ITGA5: variants seen among roughly 807,000 people sequenced by gnomAD.
ITGA5 encodes the protein integrin subunit alpha 5.
Under a neutral mutation model 146.3 loss-of-function variants are expected in ITGA5, and 55 were observed. That is an observed-to-expected ratio of 0.38 (90% CI 0.30 to 0.47). The LOEUF (loss-of-function observed/expected upper bound fraction) is 0.47, where lower values mean the gene tolerates loss of function less well. ITGA5 is among the 20% of genes least tolerant of loss of function. ITGA5 has a pLI of 0.99. For missense variants in ITGA5, 1,131 were observed against 1,329.0 expected (o/e 0.85, Z 2.32); for synonymous variants, 500 against 531.8 (o/e 0.94, Z 0.82).
At chr12:54,404,379 C>A (rs185312486) in intron 14 of ITGA5, 51 bp downstream of exon 14, 291 of 1,600,426 alleles carry the variant, frequency 1.8e-4, no homozygotes, top group Non-Finnish European at 2.3e-4. Flanking sequence ...TGAGAAATTT[C>A]CAGTTCCAGT....
Position 54,404,454 on chromosome 12 carries a change from C to T in ITGA5, c.1439G>A (p.Gly480Asp). The T allele has an allele frequency of 6.2e-7, 1 of 1,614,190 alleles. No individual in the cohort carries two copies. Residue 480 changes from glycine to aspartate, a missense_variant, in exon 14 of 30, where the codon GGT becomes GAT. Coordinates refer to ENST00000293379, the MANE Select transcript of ITGA5 (RefSeq NM_002205.5). ...GYPDLIVGSF[G>D]VDKAVVYRGR... ...CCTGTATACCACAGCCTTGTCCACA[C>T]CAAAGGACCCCACAATCAGATCTGT...
chr12:54,402,386 A>G, intron 19 of ITGA5, 56 bp from the exon 20 acceptor site: 1 of 1,515,418 alleles, frequency 6.6e-7, no homozygotes, highest in Non-Finnish European at 9.0e-7. Flanking sequence ...AAACCAGGAC[A>G]AAGGACCATT....
Position 54,403,229 on chromosome 12 carries a change from C to G in ITGA5, c.1872G>C (p.Arg624Ser). 6.4e-7 allele frequency: 1 copy of G among 1,569,408 alleles called. No homozygotes were observed. The highest frequency in any genetic ancestry group is 1.2e-5 in the South Asian group (1 of 84,282). ...PQAPVDSHGLRPALHYQSKSR... is the reference protein window; with the variant it reads ...PQAPVDSHGLSPALHYQSKSR... ...TCTTGCTCTGATAATGTAGGGCTGG[C>G]CTGAGGCCGTGGCTGTCCACTGGGG... Residue 624 changes from arginine to serine, a missense_variant, in exon 18 of 30, where the codon AGG (arginine) becomes AGC (serine). Arg to Ser is a moderately radical substitution (Grantham distance 110, BLOSUM62 -1). Around this residue, in one of 3 missense-constraint regions of ITGA5, gnomAD observed 889 missense variants for 1,021.5 expected, o/e 0.87. Transcript: ENST00000293379. This position sits in a 1 kb window ranked among gnomAD's most constrained non-coding sequence, Gnocchi z 4.9.
intron 6 of ITGA5, 67 bp from the exon 7 acceptor site, chr12:54,408,302 C>A: frequency 1.3e-6 from 2 of 1,556,420 alleles, no homozygotes; most frequent in Non-Finnish European, 1.8e-6. Flanking sequence ...ACTCTGGGGG[C>A]TGACTGGGTA....
chr12:54,404,711 C>T lies in ITGA5; in HGVS notation c.1409G>A (p.Gly470Glu). Residue 470 changes from glycine (G) to glutamate (E), a missense_variant, in exon 13 of 30, where the codon GGA (glycine) becomes GAA (glutamate). Gly to Glu is a moderately conservative substitution (Grantham distance 98). Around this residue, in one of 3 missense-constraint regions of ITGA5, gnomAD observed 889 missense variants for 1,021.5 expected, o/e 0.87. Coordinates refer to ENST00000293379, the MANE Select transcript of ITGA5 (RefSeq NM_002205.5). ...CCTCAGGCACAACTCACCAGGATAT[C>T]CATTGCCATCCAGGTCTCGGCCTCC... Reference protein sequence around the residue: ...LRGGRDLDGNGYPDLIVGSFG... With the variant: ...LRGGRDLDGNEYPDLIVGSFG... 1 of 1,613,678 alleles carries T rather than the reference C, an allele frequency of 6.2e-7. No homozygotes were observed.
At chr12:54,410,686 G>C (rs1276404817) in intron 2 of ITGA5, among the ~76,000 whole-genome samples, 1 of 150,464 alleles carries the variant, frequency 6.6e-6, no homozygotes, top group Non-Finnish European at 1.5e-5. Flanking sequence ...AACCTCCCGA[G>C]TAGCTGGGAC....
At position 54,402,973 on chromosome 12, in the gene ITGA5, C is replaced by T. The variant is rs7306692; in HGVS notation, c.1982+10G>A. On this transcript the variant is annotated intron_variant, in intron 19 of 29. Coordinates refer to ENST00000293379, the MANE Select transcript of ITGA5 (RefSeq NM_002205.5). ...CTGGAGCTCCCTAGCTTACCGTCAG[C>T]CCTACTTACCCAAACACTTCCAGCT... The T allele has an allele frequency of 0.24, 386,142 of 1,611,620 alleles. 51,612 individuals are homozygous for T. Among genetic ancestry groups the T allele is most frequent in the Non-Finnish European group, 0.28 (324,645 of 1,177,800 alleles).
chr12:54,415,207 A>C (rs1955992452), intron 1 of ITGA5, among the ~76,000 whole-genome samples: 1 of 152,236 alleles, frequency 6.6e-6, no homozygotes, highest in African/African-American at 2.4e-5. Flanking sequence ...TTTCTTACTA[A>C]ATGCAGGTTG....
At chr12:54,414,779 G>A (rs1258292575) in intron 1 of ITGA5, among the ~76,000 whole-genome samples, 6 of 150,548 alleles carry the variant, frequency 4.0e-5, no homozygotes, top group Non-Finnish European at 5.9e-5. Flanking sequence ...CCTGGGAGGC[G>A]GAGCTTGCAG....
At chr12:54,399,576 G>C in intron 27 of ITGA5, 69 bp downstream of exon 27, 1 of 1,097,684 alleles carries the variant, frequency 9.1e-7, no homozygotes, top group Non-Finnish European at 1.4e-6. Flanking sequence ...TACTGCAGTG[G>C]AGAAAGGGGT....
chr12:54,410,406 C>T (rs1234717826), intron 2 of ITGA5, among the ~76,000 whole-genome samples: 2 of 144,768 alleles, frequency 1.4e-5, no homozygotes, highest in African/African-American at 2.6e-5. Context: ...AGTGCAGTGG[C>T]GTGATTATGG....
In ITGA5 at chr12:54,398,774, G is replaced by A. The variant is rs964852457; in HGVS notation, c.2842-76C>T. On this transcript the variant is annotated intron_variant, in intron 27 of 29. Coordinates refer to ENST00000293379, the MANE Select transcript of ITGA5 (RefSeq NM_002205.5). ...ACATAGGGTTCCCCATCGTCTGGCTGGGGTTGTGATCTTTCCCTATTTTGG... is the reference window on the plus strand; with the variant it reads ...ACATAGGGTTCCCCATCGTCTGGCTAGGGTTGTGATCTTTCCCTATTTTGG... The A allele has an allele frequency of 3.2e-6, 3 of 932,574 alleles. No homozygotes were observed. In the African/African-American group the frequency reaches 5.3e-5, roughly 16 times the overall value. 57.8% of individuals were successfully genotyped at this position (932,574 alleles called of 1,614,324 possible).
chr12:54,396,558 C>T (rs1322872724), intron 29 of ITGA5, among the ~76,000 whole-genome samples, 182 bp from the exon 30 acceptor site: 1 of 152,202 alleles, frequency 6.6e-6, no homozygotes, highest in Non-Finnish European at 1.5e-5. Flanking sequence ...GAGGACCAAA[C>T]TTGGGGGTGA....
Position 54,408,270 on chromosome 12 carries a change from G to C in ITGA5, c.692-35C>G, listed in dbSNP as rs201477422. 1.8e-4 allele frequency: 292 copies of C among 1,611,100 alleles called. No individual in the cohort carries two copies. In the African/African-American group the frequency reaches 3.7e-3, roughly 20 times the overall value. ...GTATGAAGAGGGAGTAGATGGAGAG[G>C]AAGTGGCAGAGGGGGCTTGGGACTC... On this transcript the variant is annotated intron_variant, in intron 6 of 29. Coordinates refer to ENST00000293379, the MANE Select transcript of ITGA5 (RefSeq NM_002205.5).
intron 27 of ITGA5, among the ~76,000 whole-genome samples, chr12:54,399,403 A>G (rs118187951): frequency 1.3e-5 from 2 of 152,116 alleles, no homozygotes; most frequent in Middle Eastern, 3.4e-3. Context: ...TTCTTTGCAC[A>G]CTGGTCTCCC....
Position 54,409,409 on chromosome 12 carries a change from C to T in ITGA5, c.463-57G>A. 11 of 1,608,336 alleles carry T rather than the reference C, an allele frequency of 6.8e-6. No homozygotes were observed. Among genetic ancestry groups the T allele is most frequent in the Non-Finnish European group, 9.3e-6 (11 of 1,177,220 alleles). Reference sequence around the variant, plus strand: ...TTCAGTCCAATAAGGCCCTTCCTCCCTCCCTCCAGGCCCGGCCTTACCCAA... The same window carrying T: ...TTCAGTCCAATAAGGCCCTTCCTCCTTCCCTCCAGGCCCGGCCTTACCCAA... On this transcript the variant is annotated intron_variant, in intron 3 of 29. Coordinates refer to ENST00000293379, the MANE Select transcript of ITGA5 (RefSeq NM_002205.5). The surrounding 1 kb of genome is among the most constrained non-coding windows in gnomAD (Gnocchi z 4.7).
intron 5 of ITGA5, 25 bp from the exon 6 acceptor site, chr12:54,408,826 A>G: frequency 6.2e-7 from 1 of 1,613,728 alleles, no homozygotes; most frequent in Non-Finnish European, 8.5e-7. Flanking sequence ...AGGGGAGTCC[A>G]ACATCTGGTC....
Position 54,414,691 on chromosome 12 carries a change from A to G in ITGA5, c.219-2727T>C, listed in dbSNP as rs967931169. Among the ~76,000 whole-genome samples, 6 of 151,048 alleles carry G rather than the reference A, an allele frequency of 4.0e-5. 2 individuals carry two copies. The highest frequency in any genetic ancestry group is 1.5e-4 in the African/African-American group (6 of 40,776). On this transcript the variant is annotated intron_variant, in intron 1 of 29. Transcript: ENST00000293379. ...GAAACTCCGTCTCTACTAAAAATAC[A>G]AAAAAATTATCCGGGCGTGGTGGCG...
rs563723818 is a variant in ITGA5, at chr12:54,402,657, G to A, written c.1982+326C>T. On this transcript the variant is annotated intron_variant, in intron 19 of 29. Coordinates refer to ENST00000293379, the MANE Select transcript of ITGA5 (RefSeq NM_002205.5). Reference sequence around the variant, plus strand: ...GGAGGTTGCAGTGAGCCGAGATTGCGCCACTGCACTCCAGCCTGGGTGACA... The same window carrying A: ...GGAGGTTGCAGTGAGCCGAGATTGCACCACTGCACTCCAGCCTGGGTGACA... Among the ~76,000 whole-genome samples, 4 of 151,210 alleles carry A rather than the reference G, an allele frequency of 2.6e-5. No homozygotes were observed. In the East Asian group the frequency reaches 5.9e-4, roughly 22 times the overall value.
Sources: gnomAD v4.1 joint callset for allele counts (sites outside exome capture counted in the v4.1 genomes callset) on GRCh38, gnomAD v4.1.1 for gene constraint, gnomAD v4.1.1 regional missense constraint, Gnocchi (gnomAD v3.1) non-coding constraint, MANE v1.5 for transcripts, NCBI Gene and HGNC (gene_info 2026-07-23, HGNC 2026-07-21) for gene names.